The following CSMD1 variants were observed in gnomAD, a reference collection of about 807,000 sequenced individuals.
CSMD1 encodes CUB and Sushi multiple domains 1.
Under a neutral mutation model 417.5 loss-of-function variants are expected in CSMD1, and 213 were observed. The observed-to-expected ratio is 0.51, with a 90% CI of 0.46 to 0.57. The LOEUF (loss-of-function observed/expected upper bound fraction) is 0.57, where lower values mean the gene tolerates loss of function less well. Ranked by LOEUF, CSMD1 falls within the 20% of genes least tolerant of loss-of-function variation. The probability of loss-of-function intolerance (pLI) is 0.00; values close to 1 mark genes in which losing one functional copy is unlikely to be tolerated. For missense variants in CSMD1, 6,923 were observed against 4,529.7 expected (o/e 1.53, Z -15.17); for synonymous variants, 2,862 against 1,736.8 (o/e 1.65, Z -16.11).
chr8:3,904,022 T>TG (rs149825139), intron 5 of CSMD1, among the ~76,000 whole-genome samples: 5,255 of 152,260 alleles, frequency 0.035, 305 homozygotes, highest in African/African-American at 0.12. Context: ...CCTATCTAGG[T>TG]GGGTCTAATG....
At chr8:4,940,402 A>C (rs1418475063) in intron 1 of CSMD1, among the ~76,000 whole-genome samples, 2 of 152,228 alleles carry the variant, frequency 1.3e-5, no homozygotes, top group Non-Finnish European at 2.9e-5. Context: ...TGAGTTAAGA[A>C]ATTCCAATTA....
chr8:2,956,554 C>T (rs921080287), intron 63 of CSMD1, among the ~76,000 whole-genome samples: 12 of 151,956 alleles, frequency 7.9e-5, no homozygotes, highest in Admixed American at 5.2e-4. Context: ...CCTGGGTTCA[C>T]GCCATTCTCC....
Position 3,983,780 on chromosome 8 carries a change from G to A in CSMD1, c.818+14123C>T, listed in dbSNP as rs1814090904. Among the ~76,000 whole-genome samples, 3 of 152,262 alleles carry A rather than the reference G, an allele frequency of 2.0e-5. No homozygotes were observed. The South Asian group carries it at 6.2e-4, about 32-fold the overall frequency. On this transcript the variant is annotated intron_variant, in intron 5 of 69. Transcript: ENST00000635120. ...TGGGGCTGTCAACTGCACCTCTAGA[G>A]CACGTCGCAGTTCTGATGGGGCTGT...
chr8:3,387,579 A>G lies in CSMD1; in HGVS notation c.2697T>C (p.Cys899=). 1 of 1,601,244 alleles carries G rather than the reference A, an allele frequency of 6.2e-7. No individual in the cohort carries two copies. Among genetic ancestry groups the G allele is most frequent in the Non-Finnish European group, 8.5e-7 (1 of 1,173,842 alleles). ...CGTCACTTAGTGTGTACCCCGGGTC[A>G]CAGCTGAAAGTCACTGTGGACCTGA... ...FGIRSTVTFS[C]DPGYTLSDDE... Residue 899 remains cysteine (C), a synonymous_variant, in exon 18 of 70, where the codon TGT becomes TGC. Coordinates refer to ENST00000635120, the MANE Select transcript of CSMD1 (RefSeq NM_033225.6).
At chr8:3,913,000 A>G (rs918147099) in intron 5 of CSMD1, among the ~76,000 whole-genome samples, 4 of 152,134 alleles carry the variant, frequency 2.6e-5, no homozygotes, top group African/African-American at 7.2e-5. Context: ...AAGCCTACGC[A>G]CTGGTGACTA....
chr8:3,935,409 C>A (rs1311621559), intron 5 of CSMD1, among the ~76,000 whole-genome samples: 4 of 152,136 alleles, frequency 2.6e-5, no homozygotes, highest in Admixed American at 2.6e-4. Flanking sequence ...TTGCATTTTG[C>A]AAATAACTGG....
At chr8:2,947,159 T>C (rs1299438388) in intron 68 of CSMD1, among the ~76,000 whole-genome samples, 1 of 152,238 alleles carries the variant, frequency 6.6e-6, no homozygotes, top group Non-Finnish European at 1.5e-5. Flanking sequence ...TTTTCTCTCA[T>C]TCTTTGTGTG....
At chr8:3,481,905 C>T (rs1378885719) in intron 11 of CSMD1, among the ~76,000 whole-genome samples, 5 of 152,162 alleles carry the variant, frequency 3.3e-5, no homozygotes, top group East Asian at 1.9e-4. Flanking sequence ...GTACAAATTT[C>T]TGCTGTTTTG....
chr8:4,365,379 T>G (rs1371394466), intron 3 of CSMD1, among the ~76,000 whole-genome samples: 2 of 152,196 alleles, frequency 1.3e-5, no homozygotes, highest in Admixed American at 1.3e-4. Flanking sequence ...CACATTTCTG[T>G]ATTTTAGGTG....
intron 10 of CSMD1, among the ~76,000 whole-genome samples, chr8:3,499,609 C>T (rs927418012): frequency 6.6e-6 from 1 of 152,038 alleles, no homozygotes; most frequent in Admixed American, 6.5e-5. Flanking sequence ...AAGAATTCAG[C>T]TCTCAGGGTC....
At chr8:3,426,472 G>A (rs1275603464) in intron 12 of CSMD1, among the ~76,000 whole-genome samples, 1 of 152,130 alleles carries the variant, frequency 6.6e-6, no homozygotes, top group East Asian at 1.9e-4. Context: ...GGAAAAGGAA[G>A]CTGGAGACTG....
At chr8:3,794,273 C>A (rs1041691658) in intron 5 of CSMD1, among the ~76,000 whole-genome samples, 3 of 152,278 alleles carry the variant, frequency 2.0e-5, no homozygotes, top group South Asian at 4.1e-4. Context: ...AGCTACTTCC[C>A]TTAGTATTCC....
In CSMD1 at chr8:4,904,911, A is replaced by T. The variant is rs1211031723; in HGVS notation, c.85+89421T>A. 9.9e-5 allele frequency among the ~76,000 whole-genome samples: 15 copies of T among 152,204 alleles called. 1 individual carries two copies. The highest frequency in any genetic ancestry group is 9.8e-4 in the Admixed American group (15 of 15,278). On this transcript the variant is annotated intron_variant, in intron 1 of 69. Coordinates refer to ENST00000635120, the MANE Select transcript of CSMD1 (RefSeq NM_033225.6). ...TTCCAATGAAAAAGAGCCTGCAAGC[A>T]CTTCTGTAGAATACTGTCCAGGGCC...
At chr8:4,103,469 TA>T (rs1370383491) in intron 3 of CSMD1, among the ~76,000 whole-genome samples, 1 of 150,676 alleles carries the variant, frequency 6.6e-6, no homozygotes, top group Non-Finnish European at 1.5e-5. Flanking sequence ...ATGATTATTT[TA>T]AAAAGGGTTT....
Position 4,370,092 on chromosome 8 carries a change from T to C in CSMD1, c.415+49861A>G, listed in dbSNP as rs148628973. On this transcript the variant is annotated intron_variant, in intron 3 of 69. Coordinates refer to ENST00000635120, the MANE Select transcript of CSMD1 (RefSeq NM_033225.6). ...TTTTCGGTGGTAGTCATTCTTTCAT[T>C]TCCATATTTAGCATGCCTTTTAGAT... Among the ~76,000 whole-genome samples, 28 of 151,910 alleles carry C rather than the reference T, an allele frequency of 1.8e-4. No homozygotes were observed. The East Asian group carries it at 5.4e-3, about 29-fold the overall frequency.
At chr8:4,679,535 T>C (rs1805905916) in intron 1 of CSMD1, among the ~76,000 whole-genome samples, 1 of 152,182 alleles carries the variant, frequency 6.6e-6, no homozygotes, top group Admixed American at 6.5e-5. Context: ...GGCCCCAAAA[T>C]GCCAAATTTG....
At chr8:3,384,064 T>A (rs1312828456) in intron 18 of CSMD1, among the ~76,000 whole-genome samples, 3 of 152,048 alleles carry the variant, frequency 2.0e-5, no homozygotes, top group Admixed American at 6.6e-5. Flanking sequence ...TGGGCGAGGC[T>A]GTGAAAGCGA....
At chr8:3,917,872 T>C (rs1808934020) in intron 5 of CSMD1, among the ~76,000 whole-genome samples, 1 of 152,160 alleles carries the variant, frequency 6.6e-6, no homozygotes, top group African/African-American at 2.4e-5. Flanking sequence ...TTTAGGCCTT[T>C]AAAATTTTAC....
chr8:3,887,736 A>G (rs539241527), intron 5 of CSMD1, among the ~76,000 whole-genome samples: 1 of 152,338 alleles, frequency 6.6e-6, no homozygotes, highest in African/African-American at 2.4e-5. Flanking sequence ...TGTGGATAGA[A>G]AAAACTCAGA....
Sources: allele counts gnomAD v4.1 joint callset (sites outside exome capture counted in the v4.1 genomes callset), GRCh38; gene constraint gnomAD v4.1.1; transcripts MANE v1.5; gene names NCBI Gene and HGNC (gene_info 2026-07-23, HGNC 2026-07-21).